The following CGNL1 variants were observed in gnomAD, a reference collection of about 807,000 sequenced individuals.
CGNL1 encodes cingulin-like protein 1.
Under a neutral mutation model 141.2 loss-of-function variants are expected in CGNL1, and 132 were observed. The observed-to-expected ratio is 0.93, with a 90% CI of 0.81 to 1.08. The LOEUF (loss-of-function observed/expected upper bound fraction) is 1.08, where lower values mean the gene tolerates loss of function less well. CGNL1 is among the 50% of genes least tolerant of loss of function. The pLI is 0.00. For synonymous variants in CGNL1, 690 were observed against 622.1 expected (o/e 1.11, Z -1.63); for missense variants, 1,870 against 1,588.6 (o/e 1.18, Z -3.01).
At chr15:57,490,080 G>A (rs1270117206) in intron 8 of CGNL1, among the ~76,000 whole-genome samples, 1 of 151,992 alleles carries the variant, frequency 6.6e-6, no homozygotes, top group Non-Finnish European at 1.5e-5. Context: ...ACTGTAGACT[G>A]GACTTTTACA....
chr15:57,453,130 T>G (rs1263947224), intron 6 of CGNL1, among the ~76,000 whole-genome samples: 1 of 152,190 alleles, frequency 6.6e-6, no homozygotes, highest in African/African-American at 2.4e-5. Context: ...AGGTGGTGAT[T>G]ATTTTAGGGT....
chr15:57,429,065 G>A (rs1409435989), intron 1 of CGNL1, among the ~76,000 whole-genome samples: 2 of 151,992 alleles, frequency 1.3e-5, no homozygotes, highest in African/African-American at 4.8e-5. Flanking sequence ...CAGCTGCACA[G>A]TTTAAGAACA....
intron 8 of CGNL1, among the ~76,000 whole-genome samples, chr15:57,511,059 G>T (rs1471517408): frequency 6.6e-6 from 1 of 152,178 alleles, no homozygotes; most frequent in Non-Finnish European, 1.5e-5. Flanking sequence ...TCTTTTAAAA[G>T]AAAATGTATA....
intron 17 of CGNL1, 25 bp from the exon 18 acceptor site, chr15:57,546,051 C>T (rs2032846484): frequency 6.2e-7 from 1 of 1,600,890 alleles, no homozygotes; most frequent in African/African-American, 1.3e-5. Flanking sequence ...AGCCGGCACT[C>T]AGCCCACATT....
At chr15:57,498,245 G>GTTTTTTTTTT (rs56793548) in intron 8 of CGNL1, among the ~76,000 whole-genome samples, 3 of 101,082 alleles carry the variant, frequency 3.0e-5, no homozygotes, top group Non-Finnish European at 3.7e-5. Flanking sequence ...TGGGGAAACA[G>GTTTTTTTTTT]TTTTTTTTTT....
intron 1 of CGNL1, among the ~76,000 whole-genome samples, chr15:57,418,781 G>C (rs1439869367): frequency 1.3e-5 from 2 of 152,156 alleles, no homozygotes; most frequent in African/African-American, 4.8e-5. Context: ...TCTGAGACCT[G>C]ACCAGCATGT....
intron 3 of CGNL1, 119 bp downstream of exon 3, chr15:57,440,590 G>T: frequency 6.5e-6 from 5 of 763,390 alleles, no homozygotes; most frequent in Non-Finnish European, 6.6e-6. Context: ...CCGTTGGAGG[G>T]TTAAAACTCA....
At chr15:57,397,831 G>A (rs935273283) in intron 1 of CGNL1, among the ~76,000 whole-genome samples, 6 of 150,450 alleles carry the variant, frequency 4.0e-5, no homozygotes, top group African/African-American at 1.5e-4. Context: ...CGCCCATGCT[G>A]GAGTGCAGTG....
intron 14 of CGNL1, among the ~76,000 whole-genome samples, chr15:57,532,663 G>A (rs2032017342): frequency 1.3e-5 from 2 of 152,174 alleles, no homozygotes. Context: ...GTTATTGAAC[G>A]TGAATGCTTC....
chr15:57,538,005 T>C (rs2032355256), intron 14 of CGNL1, among the ~76,000 whole-genome samples: 1 of 144,046 alleles, frequency 6.9e-6, no homozygotes, highest in Non-Finnish European at 1.6e-5. Context: ...TTTTCCCTCC[T>C]CCCCGCCACC....
chr15:57,543,894 C>A, intron 15 of CGNL1, 115 bp downstream of exon 15: 1 of 704,146 alleles, frequency 1.4e-6, no homozygotes, highest in Non-Finnish European at 2.4e-6. Context: ...ATCCCAAGAA[C>A]TCTGGGGGGT....
chr15:57,540,180 G>A (rs1005892561), intron 14 of CGNL1, among the ~76,000 whole-genome samples: 4 of 152,012 alleles, frequency 2.6e-5, no homozygotes, highest in African/African-American at 7.3e-5. Flanking sequence ...GCCCCCTTCC[G>A]GTTTTGAAAG....
intron 8 of CGNL1, among the ~76,000 whole-genome samples, chr15:57,492,628 T>G (rs1407268751): frequency 6.6e-6 from 1 of 152,016 alleles, no homozygotes; most frequent in Non-Finnish European, 1.5e-5. Context: ...GAATTAGAGA[T>G]GTAGTCCTGA....
intron 7 of CGNL1, among the ~76,000 whole-genome samples, chr15:57,458,449 A>T (rs7168890): frequency 6.6e-6 from 1 of 151,976 alleles, no homozygotes; most frequent in Non-Finnish European, 1.5e-5. Flanking sequence ...CCACTTAAGC[A>T]ACAGATAACA....
chr15:57,471,925 A>G (rs2063586857), intron 8 of CGNL1, among the ~76,000 whole-genome samples: 1 of 152,128 alleles, frequency 6.6e-6, no homozygotes, highest in African/African-American at 2.4e-5. Flanking sequence ...GAAGGACGTT[A>G]TTCAGATAAT....
intron 1 of CGNL1, among the ~76,000 whole-genome samples, chr15:57,384,272 A>G (rs2062458648): frequency 6.6e-6 from 1 of 152,168 alleles, no homozygotes; most frequent in Non-Finnish European, 1.5e-5. Context: ...GACACTTTCC[A>G]GGAGACCTGC....
chr15:57,431,886 T>C (rs1664429), intron 1 of CGNL1, among the ~76,000 whole-genome samples: 149,769 of 152,322 alleles, frequency 0.98, 73,685 homozygotes, highest in Middle Eastern at 1. Context: ...ATCAGCCTGG[T>C]AGTATCTTCT....
At chr15:57,498,605 T>C (rs772086646) in intron 8 of CGNL1, among the ~76,000 whole-genome samples, 51 of 152,178 alleles carry the variant, frequency 3.4e-4, no homozygotes, top group Non-Finnish European at 6.6e-4. Context: ...CAAAAATGGA[T>C]GCATGCTGTC....
chr15:57,516,909 G>C lies in CGNL1; in HGVS notation c.2533G>C (p.Val845Leu). 6 of 1,614,138 alleles carry C rather than the reference G, an allele frequency of 3.7e-6. No individual in the cohort carries two copies. In the South Asian group the frequency reaches 6.6e-5, roughly 18 times the overall value. The change falls in exon 9 of 19, where the codon GTT becomes CTT. Residue 845 changes from valine (V) to leucine (L), a missense_variant. Val to Leu is a conservative substitution (Grantham distance 32, BLOSUM62 1). Transcript: ENST00000281282. The stretch of plus-strand genomic sequence containing the variant: ...AAGAAGCGAAGAGCTGGAGCGGAGA[G>C]TTGCTCAGCTTCAAAGGCAGATCGA... ...QGRSEELERRVAQLQRQIEDL... is the reference protein window; with the variant it reads ...QGRSEELERRLAQLQRQIEDL...
Sources: allele counts gnomAD v4.1 joint callset (sites outside exome capture counted in the v4.1 genomes callset), GRCh38; gene constraint gnomAD v4.1.1; transcripts MANE v1.5; gene names NCBI Gene and HGNC (gene_info 2026-07-23, HGNC 2026-07-21).